MYO1D: variants seen among roughly 807,000 people sequenced by gnomAD.
MYO1D encodes myosin ID.
In MYO1D, 83 loss-of-function variants were observed where a neutral mutation model predicts 122.0. The observed-to-expected ratio is 0.68, with a 90% CI of 0.57 to 0.82. The LOEUF (loss-of-function observed/expected upper bound fraction) is 0.82, where lower values mean the gene tolerates loss of function less well. MYO1D is among the 40% of genes least tolerant of loss of function. The pLI is 0.00. For missense variants in MYO1D, 1,157 were observed against 1,269.5 expected, an observed-to-expected ratio of 0.91 and a Z score of 1.35; for synonymous variants, 464 against 446.9, an observed-to-expected ratio of 1.04 and a Z score of -0.48.
intron 16 of MYO1D, 185 bp from the exon 17 acceptor site, chr17:32,659,523 C>G: frequency 1.6e-6 from 1 of 609,412 alleles, no homozygotes; most frequent in Non-Finnish European, 2.9e-6. Flanking sequence ...GGAGTCACAT[C>G]AGTCATTTTG....
At chr17:32,839,562 A>G (rs919426548) in intron 1 of MYO1D, among the ~76,000 whole-genome samples, 2 of 152,204 alleles carry the variant, frequency 1.3e-5, no homozygotes, top group Admixed American at 1.3e-4. Flanking sequence ...GAGCTGGAAT[A>G]TGGACAGCAA....
intron 1 of MYO1D, among the ~76,000 whole-genome samples, chr17:32,818,333 C>T (rs1249410943): frequency 1.3e-5 from 2 of 151,992 alleles, no homozygotes; most frequent in Admixed American, 6.5e-5. Flanking sequence ...TTCTTCCCAG[C>T]AATGCTGAGC....
At chr17:32,601,890 C>A (rs1028558381) in intron 21 of MYO1D, among the ~76,000 whole-genome samples, 1 of 152,092 alleles carries the variant, frequency 6.6e-6, no homozygotes, top group Admixed American at 6.5e-5. Flanking sequence ...TGGGTGTGTA[C>A]TTGGAGAGGC....
At chr17:32,640,495 T>G (rs2088181608) in intron 19 of MYO1D, among the ~76,000 whole-genome samples, 1 of 107,256 alleles carries the variant, frequency 9.3e-6, no homozygotes, top group Non-Finnish European at 1.8e-5. Context: ...CCCACAACAG[T>G]CCCCAGAGTG....
At chr17:32,571,478 A>G (rs1160787667) in intron 21 of MYO1D, among the ~76,000 whole-genome samples, 1 of 152,150 alleles carries the variant, frequency 6.6e-6, no homozygotes, top group Non-Finnish European at 1.5e-5. Flanking sequence ...TATGGCCTAG[A>G]AAAACTGTAA....
At chr17:32,828,026 C>T (rs1598134847) in intron 1 of MYO1D, among the ~76,000 whole-genome samples, 1 of 152,258 alleles carries the variant, frequency 6.6e-6, no homozygotes, top group South Asian at 2.1e-4. Flanking sequence ...AAATATTGGA[C>T]AAAGACCAAA....
At chr17:32,740,068 T>C (rs1402956873) in intron 13 of MYO1D, among the ~76,000 whole-genome samples, 1 of 152,250 alleles carries the variant, frequency 6.6e-6, no homozygotes, top group Admixed American at 6.5e-5. Flanking sequence ...TACATAGATG[T>C]ATATTGTTTT....
chr17:32,654,136 A>C (rs1217081059), intron 18 of MYO1D, among the ~76,000 whole-genome samples, 189 bp from the exon 19 acceptor site: 1 of 152,218 alleles, frequency 6.6e-6, no homozygotes, highest in Non-Finnish European at 1.5e-5. Flanking sequence ...ATTTTAAAAT[A>C]GGGAATGGGA....
intron 21 of MYO1D, chr17:32,602,567 GTTC>G (rs2087574565): frequency 6.6e-6 from 1 of 152,190 alleles, no homozygotes; most frequent in Non-Finnish European, 1.5e-5. Context: ...GAATGACGAA[GTTC>G]TTTAGTCTGC....
chr17:32,847,055 A>C (rs1323795014), intron 1 of MYO1D, among the ~76,000 whole-genome samples: 2 of 152,340 alleles, frequency 1.3e-5, no homozygotes, highest in East Asian at 3.9e-4. Flanking sequence ...TCTCCTCTTT[A>C]TAGAATTTAC....
intron 1 of MYO1D, among the ~76,000 whole-genome samples, chr17:32,827,468 A>T (rs924009727): frequency 2.4e-4 from 36 of 152,168 alleles, no homozygotes; most frequent in African/African-American, 8.4e-4. Flanking sequence ...AAGTTCTGGA[A>T]ATGGGTAGTG....
chr17:32,812,978 A>C (rs965295789), intron 1 of MYO1D, among the ~76,000 whole-genome samples: 2 of 152,178 alleles, frequency 1.3e-5, no homozygotes, highest in Non-Finnish European at 2.9e-5. Context: ...ACTTATACAC[A>C]TGGAGTCATC....
chr17:32,868,469 T>C (rs934529447), intron 1 of MYO1D, among the ~76,000 whole-genome samples: 12 of 152,140 alleles, frequency 7.9e-5, no homozygotes, highest in Admixed American at 5.9e-4. Context: ...GTTTGCGCCA[T>C]TGCAAACTTT....
At chr17:32,748,672 G>A (rs1007234420) in intron 12 of MYO1D, among the ~76,000 whole-genome samples, 7 of 151,990 alleles carry the variant, frequency 4.6e-5, no homozygotes, top group Non-Finnish European at 8.8e-5. Flanking sequence ...TTATTGACCC[G>A]CCAGCTGATT....
At chr17:32,580,052 A>G (rs572202819) in intron 21 of MYO1D, among the ~76,000 whole-genome samples, 21 of 152,330 alleles carry the variant, frequency 1.4e-4, no homozygotes, top group African/African-American at 5.1e-4. Flanking sequence ...AGCTTAAAAC[A>G]CTGCCAAACT....
intron 21 of MYO1D, among the ~76,000 whole-genome samples, chr17:32,552,411 T>TCCAC (rs1458420931): frequency 1.4e-5 from 2 of 145,402 alleles, no homozygotes; most frequent in South Asian, 2.2e-4. Flanking sequence ...AATCCATCCA[T>TCCAC]CCATCCACCC....
In MYO1D at chr17:32,767,684, A is replaced by G. The variant is rs906287120; in HGVS notation, c.783T>C (p.Pro261=). 6 of 1,613,844 alleles carry G rather than the reference A, an allele frequency of 3.7e-6. No homozygotes were observed. Among genetic ancestry groups the G allele is most frequent in the African/African-American group, 1.3e-5 (1 of 74,932 alleles). ...ADAMKVIGFK[P]EEIQTVYKIL... ...TCTTATACACTGTTTGGATCTCCTC[A>G]GGTTTGAAGCCAATGACTTTCATGG... The change falls in exon 7 of 22, where the codon CCT becomes CCC. Residue 261 remains proline (P), a synonymous_variant. Transcript: ENST00000318217.
intron 16 of MYO1D, among the ~76,000 whole-genome samples, chr17:32,683,935 C>G (rs1325700897): frequency 5.3e-5 from 8 of 151,156 alleles, no homozygotes; most frequent in South Asian, 2.1e-4. Context: ...CCAGGTGTGG[C>G]ATATAGTCTC....
intron 19 of MYO1D, among the ~76,000 whole-genome samples, chr17:32,645,982 AT>A (rs1383796630): frequency 1.3e-5 from 2 of 152,082 alleles, no homozygotes; most frequent in African/African-American, 4.8e-5. Context: ...AGGTGCTCTG[AT>A]TTTTAGAATT....
Sources: allele counts gnomAD v4.1 joint callset (sites outside exome capture counted in the v4.1 genomes callset), GRCh38; gene constraint gnomAD v4.1.1; transcripts MANE v1.5; gene names NCBI Gene and HGNC (gene_info 2026-07-23, HGNC 2026-07-21).